Variants in MYH3 observed in about 807,000 individuals in gnomAD.
MYH3 encodes myosin heavy chain 3.
Under a neutral mutation model 238.0 loss-of-function variants are expected in MYH3, and 130 were observed. That is an observed-to-expected ratio of 0.55 (90% confidence interval 0.47 to 0.63). The LOEUF is 0.63. Among genes scored for constraint, MYH3 ranks in the 30% least tolerant of loss-of-function variants. The probability of loss-of-function intolerance (pLI) is 0.00; values close to 1 mark genes in which losing one functional copy is unlikely to be tolerated. For missense variants in MYH3, 1,853 were observed against 2,374.9 expected, an observed-to-expected ratio of 0.78 and a Z score of 4.57; for synonymous variants, 880 against 924.1, an observed-to-expected ratio of 0.95 and a Z score of 0.86.
At chr17:10,653,566 C>T (rs539113658) in intron 3 of MYH3, among the ~76,000 whole-genome samples, 1 of 152,286 alleles carries the variant, frequency 6.6e-6, no homozygotes, top group Non-Finnish European at 1.5e-5. Flanking sequence ...AGCACCTGCA[C>T]TTCTCTCAGC....
intron 28 of MYH3, among the ~76,000 whole-genome samples, chr17:10,636,599 G>A (rs1006503388): frequency 2.6e-5 from 4 of 151,904 alleles, no homozygotes; most frequent in South Asian, 2.1e-4. Flanking sequence ...GGCTCCAGAC[G>A]TGAATCCCCC....
chr17:10,663,086 CAAAAT>C, the MYH3 span, among the ~76,000 whole-genome samples: 3 of 151,000 alleles, frequency 2.0e-5, no homozygotes, highest in Non-Finnish European at 2.9e-5. Flanking sequence ...GACTCCATCT[CAAAAT>C]AAAATAAAGT....
In MYH3 at chr17:10,638,380, G is replaced by A. The variant is rs752323339; in HGVS notation, c.3392C>T (p.Ala1131Val). ...EEIEAERATRAKTEKQRSDYA... is the reference protein window; with the variant it reads ...EEIEAERATRVKTEKQRSDYA... ...GTCGCTGCGCTGTTTCTCTGTCTTCGCGCGGGTGGCCCTCTCCGCCTCTAT... is the reference window on the plus strand; with the variant it reads ...GTCGCTGCGCTGTTTCTCTGTCTTCACGCGGGTGGCCCTCTCCGCCTCTAT... The change falls in exon 27 of 41, where the codon GCG (alanine) becomes GTG (valine). Residue 1131 changes from alanine to valine, a missense_variant. Coordinates refer to ENST00000583535, the MANE Select transcript of MYH3 (RefSeq NM_002470.4). 11 of 1,603,372 alleles carry A rather than the reference G, an allele frequency of 6.9e-6. No individual in the cohort carries two copies. Among genetic ancestry groups the A allele is most frequent in the Admixed American group, 1.7e-5 (1 of 59,932 alleles).
upstream of MYH3, among the ~76,000 whole-genome samples, chr17:10,658,030 C>T (rs1003284154): frequency 1.6e-4 from 24 of 152,050 alleles, no homozygotes; most frequent in African/African-American, 5.1e-4. Flanking sequence ...CTCGTATTCC[C>T]GGCGACAGCT....
upstream of MYH3, among the ~76,000 whole-genome samples, chr17:10,659,471 C>G (rs1048670618): frequency 6.6e-6 from 1 of 152,170 alleles, no homozygotes; most frequent in Admixed American, 6.5e-5. Context: ...TAGTCTGGAT[C>G]ATTCCTCCTA....
chr17:10,665,527 T>C, the MYH3 span, among the ~76,000 whole-genome samples: 2 of 152,242 alleles, frequency 1.3e-5, no homozygotes, highest in Admixed American at 6.5e-5. Flanking sequence ...GAAGAGCTGT[T>C]TGTATAATCA....
At chr17:10,635,260 A>T in intron 30 of MYH3, 107 bp downstream of exon 30, 2 of 1,574,564 alleles carry the variant, frequency 1.3e-6, no homozygotes, top group Non-Finnish European at 1.7e-6. Flanking sequence ...CTAATGGCCC[A>T]GCACCGCATT....
At chr17:10,632,830 A>T in intron 33 of MYH3, 46 bp from the exon 34 acceptor site, 1 of 1,589,152 alleles carries the variant, frequency 6.3e-7, no homozygotes, top group South Asian at 1.1e-5. Context: ...GATGGTATGG[A>T]GCCAGCTCCA....
chr17:10,652,377 T>C (rs751845440), intron 4 of MYH3, 43 bp downstream of exon 4: 1 of 1,609,786 alleles, frequency 6.2e-7, no homozygotes, highest in Non-Finnish European at 8.5e-7. Flanking sequence ...CCTGCCCGCA[T>C]ATCTAATGCC....
At chr17:10,632,182 C>T (rs534107788) in intron 34 of MYH3, among the ~76,000 whole-genome samples, 166 bp from the exon 35 acceptor site, 5 of 152,272 alleles carry the variant, frequency 3.3e-5, no homozygotes, top group East Asian at 3.9e-4. Flanking sequence ...TGTGCAGTTG[C>T]GTGATCTCAG....
At chr17:10,638,559 C>A in intron 26 of MYH3, 127 bp from the exon 27 acceptor site, 2 of 1,297,158 alleles carry the variant, frequency 1.5e-6, no homozygotes, top group Non-Finnish European at 1.1e-6. Flanking sequence ...ATGAATACTG[C>A]AAATTTCCTT....
chr17:10,635,731 G>T lies in MYH3; in HGVS notation c.3975+4C>A. The T allele has an allele frequency of 4.3e-6, 7 of 1,613,324 alleles. No homozygotes were observed. The highest frequency in any genetic ancestry group is 5.9e-6 in the Non-Finnish European group (7 of 1,179,250). On this transcript the variant is annotated splice_donor_region_variant and intron_variant, in intron 29 of 40. Coordinates refer to ENST00000583535, the MANE Select transcript of MYH3 (RefSeq NM_002470.4). ...GGCAAAGAAGTCTTCCTTCAATGGT[G>T]TACCTTGTTCTCTTCCTCCAGCTGC...
rs1305767575 is a variant in MYH3, at chr17:10,634,129, T to C, written c.4410A>G (p.Ala1470=). 1.2e-6 allele frequency: 2 copies of C among 1,614,130 alleles called. No individual in the cohort carries two copies. The highest frequency in any genetic ancestry group is 2.7e-5 in the African/African-American group (2 of 74,954). ...KCEESQAELE[A]SLKESRSLST... Reference sequence around the variant, plus strand: ...TCAAGGAGCGGGACTCCTTCAGGGATGCCTCCAGCTCTGCTTGGCTCTCCT... The same window carrying C: ...TCAAGGAGCGGGACTCCTTCAGGGACGCCTCCAGCTCTGCTTGGCTCTCCT... Residue 1470 remains alanine, a synonymous_variant, in exon 32 of 41, where the codon GCA becomes GCG. Transcript: ENST00000583535.
chr17:10,678,213 T>G, the MYH3 span: 1 of 152,198 alleles, frequency 6.6e-6, no homozygotes, highest in African/African-American at 2.4e-5. Context: ...TCCGTTTTGG[T>G]TGGATTCACA....
In MYH3 at chr17:10,642,165, G is replaced by A. The variant is rs2074279093; in HGVS notation, c.1959+75C>T. Reference sequence around the variant, plus strand: ...ACACTACTACTCTCAAATAAATCAAGCTTAGAATCTCAGCATTGCTCATTT... The same window carrying A: ...ACACTACTACTCTCAAATAAATCAAACTTAGAATCTCAGCATTGCTCATTT... On this transcript the variant is annotated intron_variant, in intron 17 of 40. Transcript: ENST00000583535. The surrounding 1 kb of genome is among the most constrained non-coding windows in gnomAD (Gnocchi z 5.4). 1 of 1,355,644 alleles carries A rather than the reference G, an allele frequency of 7.4e-7. No individual in the cohort carries two copies. Among genetic ancestry groups the A allele is most frequent in the Admixed American group, 1.8e-5 (1 of 54,182 alleles). The allele number at this position is 1,355,644 out of a possible 1,614,324, so 84.0% of individuals were successfully genotyped here.
At chr17:10,639,866 A>C (rs2285471) in intron 22 of MYH3, 64 bp from the exon 23 acceptor site, 1 of 1,603,648 alleles carries the variant, frequency 6.2e-7, no homozygotes, top group East Asian at 2.2e-5. Context: ...CCAGTATTTC[A>C]CTATATATGA....
chr17:10,631,013 T>C (rs1418249264), intron 36 of MYH3, among the ~76,000 whole-genome samples: 2 of 152,346 alleles, frequency 1.3e-5, no homozygotes, highest in East Asian at 3.9e-4. Context: ...AAACAGTTTC[T>C]TCCCTTTCTT....
intron 1 of MYH3, among the ~76,000 whole-genome samples, chr17:10,657,038 A>AGT (rs1802287334): frequency 6.6e-6 from 1 of 152,110 alleles, no homozygotes; most frequent in African/African-American, 2.4e-5. Context: ...GACAGGGGAG[A>AGT]GTGTGTGGAG....
the MYH3 span, among the ~76,000 whole-genome samples, chr17:10,666,264 T>C: frequency 6.6e-6 from 1 of 152,100 alleles, no homozygotes; most frequent in Non-Finnish European, 1.5e-5. Flanking sequence ...AAAATCTTTA[T>C]AGGAAAATTA....
Sources: allele counts gnomAD v4.1 joint callset (sites outside exome capture counted in the v4.1 genomes callset), GRCh38; gene constraint gnomAD v4.1.1; non-coding constraint Gnocchi (gnomAD v3.1); transcripts MANE v1.5; gene names NCBI Gene and HGNC (gene_info 2026-07-23, HGNC 2026-07-21).